Variants in MPP7 observed in about 807,000 individuals in gnomAD.
The protein encoded by MPP7 is MAGUK p55 scaffold protein 7, also known as MAGUK p55 subfamily member 7.
MPP7 carries 60 observed loss-of-function variants against 76.5 expected under a neutral mutation model. The observed-to-expected ratio is 0.78, with a 90% confidence interval of 0.64 to 0.97. The LOEUF (loss-of-function observed/expected upper bound fraction) is 0.97. Ranked by LOEUF, MPP7 falls within the 50% of genes least tolerant of loss-of-function variation. MPP7 has a pLI of 0.00. For missense variants in MPP7, 641 were observed against 694.0 expected (o/e 0.92, Z 0.86); for synonymous variants, 237 against 244.5 (o/e 0.97, Z 0.29).
intron 1 of MPP7, among the ~76,000 whole-genome samples, chr10:28,256,522 T>G (rs934801194): frequency 2.0e-5 from 3 of 152,006 alleles, no homozygotes; most frequent in Non-Finnish European, 4.4e-5. Flanking sequence ...GAAAAAAAAG[T>G]AATGACCTAA....
chr10:28,168,915 G>A (rs1160845557), intron 3 of MPP7, among the ~76,000 whole-genome samples: 1 of 152,066 alleles, frequency 6.6e-6, no homozygotes, highest in Non-Finnish European at 1.5e-5. Context: ...GTGAGGTAGG[G>A]ATCCAAATCC....
At chr10:28,292,241 G>T (rs1474500128) in intron 1 of MPP7, among the ~76,000 whole-genome samples, 5 of 152,130 alleles carry the variant, frequency 3.3e-5, no homozygotes, top group Non-Finnish European at 7.3e-5. Context: ...TGCAGTCTGC[G>T]ATGTTCACAC....
rs969841512 is a variant in MPP7, at chr10:28,057,660, T to C, written c.1407+835A>G. On this transcript the variant is annotated intron_variant, in intron 15 of 16. Coordinates refer to ENST00000683449, the MANE Select transcript of MPP7 (RefSeq NM_001318170.2). Reference sequence around the variant, plus strand: ...TAGTAAATTACCCAGTTTCAGGTATTTCTTCAGAGCAGTGCAACAAGGGAC... The same window carrying C: ...TAGTAAATTACCCAGTTTCAGGTATCTCTTCAGAGCAGTGCAACAAGGGAC... 10 of 806,128 alleles carry C rather than the reference T, an allele frequency of 1.2e-5. No homozygotes were observed. In the African/African-American group the frequency reaches 2.0e-4, roughly 17 times the overall value. 49.9% of individuals were successfully genotyped at this position (806,128 alleles called of 1,614,324 possible).
intron 1 of MPP7, among the ~76,000 whole-genome samples, chr10:28,274,259 C>A (rs11819234): frequency 6.6e-6 from 1 of 151,660 alleles, no homozygotes. Flanking sequence ...CCAGCCACCA[C>A]GCCCGGCTAA....
intron 1 of MPP7, among the ~76,000 whole-genome samples, chr10:28,242,712 G>T (rs1839309381): frequency 6.6e-6 from 1 of 152,204 alleles, no homozygotes; most frequent in Non-Finnish European, 1.5e-5. Flanking sequence ...ATGGTGAAAA[G>T]CAATGGTCAC....
intron 3 of MPP7, among the ~76,000 whole-genome samples, chr10:28,159,282 C>T (rs888578156): frequency 6.6e-6 from 1 of 152,136 alleles, no homozygotes. Flanking sequence ...GGTCTCAGAA[C>T]TCGTCTTAGT....
At chr10:28,088,046 A>C (rs1853105086) in intron 12 of MPP7, among the ~76,000 whole-genome samples, 1 of 152,206 alleles carries the variant, frequency 6.6e-6, no homozygotes, top group South Asian at 2.1e-4. Flanking sequence ...TAATGCAAAC[A>C]ATCTTAATAT....
At chr10:28,068,351 T>C (rs1468091251) in intron 13 of MPP7, among the ~76,000 whole-genome samples, 3 of 152,092 alleles carry the variant, frequency 2.0e-5, no homozygotes, top group Non-Finnish European at 2.9e-5. Flanking sequence ...AAAACTATAA[T>C]TTTAAAATAA....
chr10:28,073,826 C>T (rs1313504904), intron 12 of MPP7, among the ~76,000 whole-genome samples: 3 of 151,758 alleles, frequency 2.0e-5, no homozygotes, highest in African/African-American at 7.3e-5. Flanking sequence ...TGATCTGAAC[C>T]CTGCCCTGTC....
chr10:28,291,205 C>T (rs1234329779), intron 1 of MPP7, among the ~76,000 whole-genome samples: 6 of 152,260 alleles, frequency 3.9e-5, no homozygotes, highest in African/African-American at 1.4e-4. Context: ...AAAATGGACT[C>T]CCAGGTAACG....
At chr10:28,127,542 T>C (rs2133658360) in intron 6 of MPP7, among the ~76,000 whole-genome samples, 1 of 152,262 alleles carries the variant, frequency 6.6e-6, no homozygotes, top group South Asian at 2.1e-4. Context: ...ACATTTTACA[T>C]GGATGGCAGC....
At chr10:28,323,796 G>A (rs1834387679) in intron 2 of MPP7, among the ~76,000 whole-genome samples, 1 of 152,214 alleles carries the variant, frequency 6.6e-6, no homozygotes. Flanking sequence ...GATGGAGCTT[G>A]ATGGTTTGGA....
intron 3 of MPP7, among the ~76,000 whole-genome samples, chr10:28,152,777 G>A (rs957759343): frequency 1.3e-5 from 2 of 151,972 alleles, no homozygotes; most frequent in African/African-American, 4.8e-5. Context: ...CTCTGATACA[G>A]GGTGACAAAT....
intron 3 of MPP7, among the ~76,000 whole-genome samples, chr10:28,158,778 A>T (rs555881540): frequency 6.6e-6 from 1 of 152,326 alleles, no homozygotes; most frequent in Admixed American, 6.5e-5. Flanking sequence ...GGGTTACACA[A>T]GCCATGCACT....
chr10:28,251,106 C>A (rs1282795433), intron 1 of MPP7, among the ~76,000 whole-genome samples: 1 of 152,146 alleles, frequency 6.6e-6, no homozygotes, highest in Non-Finnish European at 1.5e-5. Context: ...AAAATAAACA[C>A]CCAACATTGT....
At chr10:28,139,434 C>T (rs1835443743) in intron 5 of MPP7, among the ~76,000 whole-genome samples, 1 of 152,146 alleles carries the variant, frequency 6.6e-6, no homozygotes, top group South Asian at 2.1e-4. Flanking sequence ...GATCATGACC[C>T]TCACACTTTC....
chr10:28,253,567 A>G (rs142228940), intron 1 of MPP7, among the ~76,000 whole-genome samples: 65 of 152,272 alleles, frequency 4.3e-4, no homozygotes, highest in African/African-American at 1.5e-3. Context: ...GTTTACTAAT[A>G]TATTTCCTTA....
chr10:28,229,127 A>C (rs972612655), intron 2 of MPP7, among the ~76,000 whole-genome samples: 1 of 152,256 alleles, frequency 6.6e-6, no homozygotes, highest in African/African-American at 2.4e-5. Context: ...ATATGCATTC[A>C]AAAAGCCAAA....
chr10:28,054,022 C>T lies in MPP7; in HGVS notation c.*43G>A. The T allele has an allele frequency of 6.9e-7, 1 of 1,447,158 alleles. No individual in the cohort carries two copies. The highest frequency in any genetic ancestry group is 2.3e-5 in the East Asian group (1 of 44,088). The allele number at this position is 1,447,158 out of a possible 1,614,324, so 89.6% of individuals were successfully genotyped here. A position where few individuals can be genotyped will look rare whatever the true frequency, so the allele number is the denominator to read the frequency against. ...CTACCAAAACTGTAATTGATTTCATCATGCACTCTATAGAAAAAGACAATT... is the reference window on the plus strand; with the variant it reads ...CTACCAAAACTGTAATTGATTTCATTATGCACTCTATAGAAAAAGACAATT... On this transcript the variant is annotated 3_prime_UTR_variant, in exon 17 of 17. Coordinates refer to ENST00000683449, the MANE Select transcript of MPP7 (RefSeq NM_001318170.2).
Sources: gnomAD v4.1 joint callset for allele counts (sites outside exome capture counted in the v4.1 genomes callset) on GRCh38, gnomAD v4.1.1 for gene constraint, MANE v1.5 for transcripts, NCBI Gene and HGNC (gene_info 2026-07-23, HGNC 2026-07-21) for gene names.